The following TBC1D5 variants were observed in gnomAD, a reference collection of about 807,000 sequenced individuals.
The protein encoded by TBC1D5 is TBC1 domain family member 5.
Under a neutral mutation model 100.3 loss-of-function variants are expected in TBC1D5, and 75 were observed. The ratio of observed to expected loss-of-function variants is 0.75; its 90% confidence interval spans 0.62 to 0.91. The LOEUF (loss-of-function observed/expected upper bound fraction) is 0.91. Ranked by LOEUF, TBC1D5 falls within the 40% of genes least tolerant of loss-of-function variation. TBC1D5 has a pLI of 0.00. For synonymous variants in TBC1D5, 323 were observed against 325.6 expected (o/e 0.99, Z 0.09); for missense variants, 910 against 942.4 (o/e 0.97, Z 0.45).
chr3:17,177,986 G>A (rs1339539380), intron 19 of TBC1D5, among the ~76,000 whole-genome samples: 1 of 151,354 alleles, frequency 6.6e-6, no homozygotes. Context: ...TCTGTGCCTG[G>A]CTTATTTAAT....
chr3:17,374,220 C>T (rs1269547406), intron 12 of TBC1D5, among the ~76,000 whole-genome samples: 1 of 151,980 alleles, frequency 6.6e-6, no homozygotes, highest in Non-Finnish European at 1.5e-5. Context: ...TAACGAAGCA[C>T]TTATGCTGCT....
chr3:17,667,315 A>T (rs2067372890), intron 1 of TBC1D5, among the ~76,000 whole-genome samples: 1 of 152,210 alleles, frequency 6.6e-6, no homozygotes, highest in Non-Finnish European at 1.5e-5. Context: ...GTCAGTAACA[A>T]GTATTTAATT....
chr3:17,318,262 G>C (rs887969811), intron 13 of TBC1D5, among the ~76,000 whole-genome samples: 23 of 150,910 alleles, frequency 1.5e-4, no homozygotes, highest in Admixed American at 3.3e-4. Flanking sequence ...AGCTTTAGGA[G>C]ATATACCTAA....
At chr3:17,203,395 A>T (rs988316389) in intron 18 of TBC1D5, among the ~76,000 whole-genome samples, 2 of 152,178 alleles carry the variant, frequency 1.3e-5, no homozygotes, top group Non-Finnish European at 2.9e-5. Context: ...CTTGTTTCAG[A>T]TGAGACTCTG....
chr3:17,295,473 C>T (rs1377032158), intron 14 of TBC1D5, among the ~76,000 whole-genome samples: 1 of 152,168 alleles, frequency 6.6e-6, no homozygotes, highest in African/African-American at 2.4e-5. Context: ...CTTTATGTGC[C>T]CCACAACTAT....
chr3:17,455,536 G>T (rs2095063638), intron 3 of TBC1D5, among the ~76,000 whole-genome samples: 1 of 146,346 alleles, frequency 6.8e-6, no homozygotes, highest in African/African-American at 2.6e-5. Context: ...ATATATGTGT[G>T]TGTGTGTGTA....
At chr3:17,458,827 G>A (rs1385781873) in intron 3 of TBC1D5, among the ~76,000 whole-genome samples, 1 of 152,162 alleles carries the variant, frequency 6.6e-6, no homozygotes, top group Non-Finnish European at 1.5e-5. Context: ...TTAACTCTAT[G>A]TATTGTGGTT....
intron 4 of TBC1D5, among the ~76,000 whole-genome samples, chr3:17,411,024 T>C (rs2093909113): frequency 6.6e-6 from 1 of 152,132 alleles, no homozygotes; most frequent in Admixed American, 6.6e-5. Flanking sequence ...GAAATCTTTA[T>C]TGAAAAGAAG....
At chr3:17,448,467 T>C (rs750541839) in intron 3 of TBC1D5, among the ~76,000 whole-genome samples, 2 of 152,226 alleles carry the variant, frequency 1.3e-5, no homozygotes, top group African/African-American at 4.8e-5. Context: ...AATCACTATC[T>C]ATGGCAGCTA....
chr3:17,261,411 C>T (rs1197204344), intron 15 of TBC1D5, among the ~76,000 whole-genome samples: 1 of 131,208 alleles, frequency 7.6e-6, no homozygotes, highest in East Asian at 2.2e-4. Flanking sequence ...ATTAAATGAG[C>T]GGAATTCTCA....
At chr3:17,445,490 A>C (rs1438059747) in intron 3 of TBC1D5, among the ~76,000 whole-genome samples, 1 of 152,058 alleles carries the variant, frequency 6.6e-6, no homozygotes, top group Non-Finnish European at 1.5e-5. Context: ...TGGAAAAATT[A>C]CTCTGTTCTA....
intron 13 of TBC1D5, among the ~76,000 whole-genome samples, chr3:17,322,999 A>T (rs895270731): frequency 2.0e-5 from 3 of 152,240 alleles, no homozygotes; most frequent in Admixed American, 2.0e-4. Context: ...AAAAAGTTTA[A>T]AAACAAGTAT....
rs6805216 is a variant in TBC1D5, at chr3:17,291,952, T to C, written c.1188A>G (p.Pro396=). ...TCAGTGAGTGTACATCCCCGATGAA[T>C]GGGTAATGCATCAGAAGGCCGAGAC... Residue 396 remains proline (P), a synonymous_variant, in exon 15 of 22, where the codon CCA becomes CCG. Coordinates refer to ENST00000253692, the Ensembl canonical transcript of TBC1D5. 749 of 1,613,964 alleles carry C rather than the reference T, an allele frequency of 4.6e-4. 5 individuals carry two copies. In the African/African-American group the frequency reaches 8.3e-3, roughly 18 times the overall value.
At chr3:17,684,027 T>A (rs1252127304) in intron 1 of TBC1D5, among the ~76,000 whole-genome samples, 1 of 152,090 alleles carries the variant, frequency 6.6e-6, no homozygotes, top group Non-Finnish European at 1.5e-5. Flanking sequence ...CCCAAATATA[T>A]GTTAATAATA....
At chr3:17,599,680 A>C (rs2060803560) in intron 2 of TBC1D5, among the ~76,000 whole-genome samples, 1 of 152,076 alleles carries the variant, frequency 6.6e-6, no homozygotes, top group Non-Finnish European at 1.5e-5. Flanking sequence ...ATTGTAACAC[A>C]CCCCTAGACC....
Position 17,723,433 on chromosome 3 carries a change from T to A in TBC1D5, c.-101+15910A>T, listed in dbSNP as rs144097045. On this transcript the variant is annotated intron_variant, in intron 1 of 21. Transcript: ENST00000253692. ...AAAAGATTTCCTACAAAAATACTGATGATTTTGAACAGAGCAAAGATCCAA... is the reference window on the plus strand; with the variant it reads ...AAAAGATTTCCTACAAAAATACTGAAGATTTTGAACAGAGCAAAGATCCAA... Among the ~76,000 whole-genome samples the A allele has an allele frequency of 3.9e-5, 6 of 152,348 alleles. No individual in the cohort carries two copies. In the East Asian group the frequency reaches 1.2e-3, roughly 29 times the overall value.
chr3:17,332,619 G>A (rs1464416012), intron 13 of TBC1D5, among the ~76,000 whole-genome samples: 2 of 151,730 alleles, frequency 1.3e-5, no homozygotes, highest in African/African-American at 2.4e-5. Context: ...GCCAGGAAGA[G>A]AAAAATGAAT....
At chr3:17,505,060 T>C (rs1346127117) in intron 3 of TBC1D5, among the ~76,000 whole-genome samples, 1 of 152,208 alleles carries the variant, frequency 6.6e-6, no homozygotes, top group African/African-American at 2.4e-5. Context: ...TGGATTTTTT[T>C]TAAGTTGCCA....
At chr3:17,462,633 A>G (rs1486559701) in intron 3 of TBC1D5, among the ~76,000 whole-genome samples, 1 of 151,166 alleles carries the variant, frequency 6.6e-6, no homozygotes, top group African/African-American at 2.5e-5. Context: ...CAAATTTCTA[A>G]TATTAGTTGT....
Sources: gnomAD v4.1 joint callset for allele counts (sites outside exome capture counted in the v4.1 genomes callset) on GRCh38, gnomAD v4.1.1 for gene constraint, MANE v1.5 for transcripts, NCBI Gene and HGNC (gene_info 2026-07-23, HGNC 2026-07-21) for gene names.